The following L3MBTL4 variants were observed in gnomAD, a reference collection of about 807,000 sequenced individuals.
L3MBTL4 encodes L3MBTL histone methyl-lysine binding protein 4.
A neutral mutation model predicts 84.5 loss-of-function variants in L3MBTL4; 70 were observed. The observed-to-expected ratio is 0.83, with a 90% CI of 0.68 to 1.01. L3MBTL4 has a LOEUF of 1.01. L3MBTL4 is among the 50% of genes least tolerant of loss of function. L3MBTL4 has a pLI of 0.00. For missense variants in L3MBTL4, 715 were observed against 754.8 expected (o/e 0.95, Z 0.62); for synonymous variants, 274 against 259.8 (o/e 1.05, Z -0.52).
intron 16 of L3MBTL4, chr18:6,017,788 A>C (rs909436245): frequency 2.4e-4 from 36 of 152,238 alleles, no homozygotes; most frequent in African/African-American, 8.7e-4. Context: ...CTCCATGGGA[A>C]TCTTTAGTAA....
At chr18:6,342,825 T>C (rs2052674870) in intron 1 of L3MBTL4, among the ~76,000 whole-genome samples, 1 of 152,090 alleles carries the variant, frequency 6.6e-6, no homozygotes, top group African/African-American at 2.4e-5. Context: ...AACTATGAGC[T>C]GTTTCTAAGA....
chr18:6,405,556 A>G (rs1336861669), intron 1 of L3MBTL4, among the ~76,000 whole-genome samples: 1 of 147,400 alleles, frequency 6.8e-6, no homozygotes, highest in African/African-American at 2.5e-5. Flanking sequence ...CCGAGGGCCC[A>G]CTAAACCCAG....
At chr18:6,170,291 G>A (rs1012189133) in intron 13 of L3MBTL4, among the ~76,000 whole-genome samples, 2 of 152,136 alleles carry the variant, frequency 1.3e-5, no homozygotes, top group Non-Finnish European at 2.9e-5. Flanking sequence ...GCCACATTCT[G>A]AGAAGCATCC....
chr18:6,158,662 G>A (rs1309539921), intron 13 of L3MBTL4, among the ~76,000 whole-genome samples: 2 of 152,140 alleles, frequency 1.3e-5, no homozygotes, highest in Admixed American at 1.3e-4. Context: ...ACAAGGCTGT[G>A]GCAATACTAA....
At chr18:6,020,644 G>A (rs537513516) in intron 16 of L3MBTL4, among the ~76,000 whole-genome samples, 8 of 152,222 alleles carry the variant, frequency 5.3e-5, no homozygotes, top group Non-Finnish European at 1.0e-4. Context: ...CAAAAGCAGA[G>A]AGGGAGAGAA....
intron 10 of L3MBTL4, among the ~76,000 whole-genome samples, chr18:6,236,465 C>T (rs191136955): frequency 5.6e-4 from 86 of 152,236 alleles, no homozygotes; most frequent in African/African-American, 7.0e-4. Flanking sequence ...GCTCACACAA[C>T]GCCAAGAGAC....
At chr18:6,325,190 G>T (rs1255973519) in intron 1 of L3MBTL4, among the ~76,000 whole-genome samples, 2 of 151,928 alleles carry the variant, frequency 1.3e-5, no homozygotes, top group African/African-American at 4.8e-5. Context: ...ATGTTAATGG[G>T]AAAAAAATGA....
At chr18:6,076,827 T>C (rs562654397) in intron 16 of L3MBTL4, among the ~76,000 whole-genome samples, 4 of 152,144 alleles carry the variant, frequency 2.6e-5, no homozygotes, top group Non-Finnish European at 5.9e-5. Context: ...AAAGAATAAA[T>C]ATTAAAAAGA....
rs1180128616 is a variant in L3MBTL4, at chr18:5,960,153, C to T, written c.1618G>A (p.Ala540Thr). Reference protein sequence around the residue: ...QVARWTVDEVAEFVQSLLGCE... With the variant: ...QVARWTVDEVTEFVQSLLGCE... Reference sequence around the variant, plus strand: ...CCCAGAAGAGACTGTACAAACTCAGCCACCTACAGTGCGAGATGAAAAGCC... The same window carrying T: ...CCCAGAAGAGACTGTACAAACTCAGTCACCTACAGTGCGAGATGAAAAGCC... Residue 540 changes from alanine to threonine, a missense_variant, in exon 18 of 19, where the codon GCT (alanine) becomes ACT (threonine). Ala to Thr is a moderately conservative substitution (Grantham distance 58, BLOSUM62 0). Transcript: ENST00000317931. The T allele has an allele frequency of 2.5e-6, 4 of 1,589,202 alleles. No homozygotes were observed. The highest frequency in any genetic ancestry group is 1.2e-5 in the South Asian group (1 of 86,174).
intron 16 of L3MBTL4, among the ~76,000 whole-genome samples, chr18:5,988,357 G>A (rs1044934637): frequency 6.6e-6 from 1 of 152,130 alleles, no homozygotes; most frequent in Non-Finnish European, 1.5e-5. Flanking sequence ...ACAATTCTAC[G>A]ATTGTTGGAG....
chr18:6,115,080 A>G (rs1162216520), intron 14 of L3MBTL4, among the ~76,000 whole-genome samples: 1 of 135,560 alleles, frequency 7.4e-6, no homozygotes, highest in Admixed American at 7.3e-5. Context: ...CAGCCAGAGA[A>G]GCAAGCTCAT....
chr18:5,996,185 T>C (rs573392010), intron 16 of L3MBTL4, among the ~76,000 whole-genome samples: 3 of 152,228 alleles, frequency 2.0e-5, no homozygotes, highest in Admixed American at 2.0e-4. Flanking sequence ...AATGTAGCAT[T>C]CCTACACATG....
intron 16 of L3MBTL4, among the ~76,000 whole-genome samples, chr18:5,992,072 G>T (rs2053725588): frequency 6.6e-6 from 1 of 152,124 alleles, no homozygotes; most frequent in South Asian, 2.1e-4. Context: ...AAAGATGAAG[G>T]AGACTTATTT....
chr18:6,131,989 G>T (rs1010233770), intron 14 of L3MBTL4, among the ~76,000 whole-genome samples: 4 of 152,040 alleles, frequency 2.6e-5, no homozygotes, highest in African/African-American at 9.7e-5. Flanking sequence ...AAAAAACAGT[G>T]ATTATATGAT....
intron 12 of L3MBTL4, among the ~76,000 whole-genome samples, chr18:6,187,568 T>C (rs533123580): frequency 2.6e-5 from 4 of 152,308 alleles, no homozygotes; most frequent in Admixed American, 6.5e-5. Context: ...ATGGCTCATG[T>C]TTACATGTAC....
chr18:6,188,727 C>A lies in L3MBTL4; in HGVS notation c.982-16785G>T, dbSNP rs187560891. Reference sequence around the variant, plus strand: ...GCTGGCTGGCTGTGTTGAGATCTGCCGAAACCCCAGACCCTGAGCTGGCTG... The same window carrying A: ...GCTGGCTGGCTGTGTTGAGATCTGCAGAAACCCCAGACCCTGAGCTGGCTG... On this transcript the variant is annotated intron_variant, in intron 12 of 18. Transcript: ENST00000317931. 8.5e-4 allele frequency among the ~76,000 whole-genome samples: 130 copies of A among 152,272 alleles called. No individual in the cohort carries two copies. The South Asian group carries it at 0.013, about 15-fold the overall frequency.
At chr18:6,210,217 A>G (rs1450449341) in intron 12 of L3MBTL4, among the ~76,000 whole-genome samples, 1 of 152,362 alleles carries the variant, frequency 6.6e-6, no homozygotes, top group East Asian at 1.9e-4. Context: ...GAAGGAAATG[A>G]AGTTGTCTTT....
intron 12 of L3MBTL4, among the ~76,000 whole-genome samples, chr18:6,186,320 G>C (rs550049137): frequency 6.6e-5 from 10 of 152,242 alleles, no homozygotes; most frequent in Admixed American, 5.2e-4. Context: ...GGGATTACAG[G>C]CATGAGCCAC....
chr18:6,099,064 A>G (rs2058728826), intron 14 of L3MBTL4, among the ~76,000 whole-genome samples: 2 of 152,208 alleles, frequency 1.3e-5, no homozygotes, highest in South Asian at 4.1e-4. Context: ...TCAGGTCCTG[A>G]TGGCAGCAGC....
Sources: allele counts gnomAD v4.1 joint callset (sites outside exome capture counted in the v4.1 genomes callset), GRCh38; gene constraint gnomAD v4.1.1; transcripts MANE v1.5; gene names NCBI Gene and HGNC (gene_info 2026-07-23, HGNC 2026-07-21).